The following LYN variants were observed in gnomAD, a reference collection of about 807,000 sequenced individuals.
LYN encodes LYN proto-oncogene, Src family tyrosine kinase, also known as tyrosine-protein kinase Lyn.
LYN carries 12 observed loss-of-function variants against 65.0 expected under a neutral mutation model. That is an observed-to-expected ratio of 0.18 (90% CI 0.12 to 0.30). The LOEUF is 0.30. Ranked by LOEUF, LYN falls within the 10% of genes least tolerant of loss-of-function variation. The pLI, the probability that LYN is intolerant of heterozygous loss-of-function variation, is 1.00. For missense variants in LYN, 380 were observed against 623.2 expected (o/e 0.61, Z 4.16); for synonymous variants, 222 against 221.2 (o/e 1.00, Z -0.03).
chr8:55,944,838 A>G (rs1356898045), intron 2 of LYN, among the ~76,000 whole-genome samples: 2 of 152,216 alleles, frequency 1.3e-5, no homozygotes. Context: ...AGTCAAGGAG[A>G]ATAGTGTGCA....
chr8:55,923,626 G>A (rs1015162338), intron 1 of LYN, among the ~76,000 whole-genome samples: 4 of 151,820 alleles, frequency 2.6e-5, no homozygotes, highest in African/African-American at 9.7e-5. Flanking sequence ...TGCAACCTCC[G>A]CCTCCTGGGT....
chr8:55,976,977 G>A (rs141193094), intron 10 of LYN, among the ~76,000 whole-genome samples: 2,622 of 152,220 alleles, frequency 0.017, 73 homozygotes, highest in African/African-American at 0.059. Context: ...CTGAGGTCAG[G>A]AGTTTGAGAC....
At chr8:55,889,334 C>T (rs1188380335) in intron 1 of LYN, among the ~76,000 whole-genome samples, 1 of 152,202 alleles carries the variant, frequency 6.6e-6, no homozygotes, top group Non-Finnish European at 1.5e-5. Context: ...ACTTCAGCCT[C>T]CAAGTAGCTG....
chr8:55,902,603 CAA>C (rs35994270), intron 1 of LYN: 16 of 303,332 alleles, frequency 5.3e-5, no homozygotes, highest in South Asian at 1.1e-4. Flanking sequence ...ATATAGCATA[CAA>C]AAAAAAAACA....
rs1054698133 is a variant in LYN, at chr8:56,012,728, C to A, written c.*2618C>A. The A allele has an allele frequency of 7.2e-5, 11 of 151,806 alleles. No homozygotes were observed. Among genetic ancestry groups the A allele is most frequent in the South Asian group, 2.1e-4 (1 of 4,794 alleles). The allele number at this position is 151,806 out of a possible 1,614,324, so 9.4% of individuals were successfully genotyped here. ...TGAGACCCTGTCTCAAAAAAAAAAA[C>A]CAAAAAAACAAAAAAACCCTTCCCT... On this transcript the variant is annotated 3_prime_UTR_variant, in exon 13 of 13. Coordinates refer to ENST00000519728, the MANE Select transcript of LYN (RefSeq NM_002350.4).
chr8:55,992,686 T>G (rs1808281791), intron 10 of LYN, among the ~76,000 whole-genome samples: 1 of 152,200 alleles, frequency 6.6e-6, no homozygotes, highest in Non-Finnish European at 1.5e-5. Flanking sequence ...CTTTCAAGCC[T>G]ATGATCTAGT....
chr8:55,961,209 C>A (rs952791277), intron 8 of LYN, among the ~76,000 whole-genome samples: 16 of 152,148 alleles, frequency 1.1e-4, no homozygotes, highest in African/African-American at 3.9e-4. Context: ...CCAGTCACAG[C>A]CGGAATTAGA....
intron 1 of LYN, among the ~76,000 whole-genome samples, chr8:55,918,868 C>T (rs1341421660): frequency 6.6e-6 from 1 of 151,944 alleles, no homozygotes; most frequent in Admixed American, 6.6e-5. Flanking sequence ...GATTTCTCCA[C>T]CTTCACGGAG....
chr8:55,991,667 A>G (rs1808253626), intron 10 of LYN, among the ~76,000 whole-genome samples: 1 of 151,954 alleles, frequency 6.6e-6, no homozygotes, highest in East Asian at 1.9e-4. Context: ...TGGGCTCAGC[A>G]TGGTCTTCTT....
intron 1 of LYN, among the ~76,000 whole-genome samples, chr8:55,924,065 C>CTT (rs75288345): frequency 4.1e-4 from 55 of 135,142 alleles, no homozygotes; most frequent in South Asian, 1.8e-3. Context: ...CTTTTTCTTT[C>CTT]TTTTTTTTTT....
At chr8:55,919,911 G>C (rs1805896893) in intron 1 of LYN, among the ~76,000 whole-genome samples, 1 of 150,732 alleles carries the variant, frequency 6.6e-6, no homozygotes, top group Non-Finnish European at 1.5e-5. Flanking sequence ...GGTTGGGCGG[G>C]GGGAGTGGGG....
intron 1 of LYN, among the ~76,000 whole-genome samples, chr8:55,939,482 G>A (rs1806534412): frequency 1.3e-5 from 2 of 152,080 alleles, no homozygotes; most frequent in South Asian, 4.1e-4. Context: ...GAGAGAGAGA[G>A]AGAGAACGCT....
At chr8:55,980,951 GC>G (rs1176898085) in intron 10 of LYN, among the ~76,000 whole-genome samples, 1 of 152,040 alleles carries the variant, frequency 6.6e-6, no homozygotes, top group Non-Finnish European at 1.5e-5. Context: ...CCGCTTGCTA[GC>G]CCCTGGCCAC....
chr8:56,003,888 C>T (rs374667789), intron 12 of LYN, among the ~76,000 whole-genome samples: 31 of 138,920 alleles, frequency 2.2e-4, no homozygotes, highest in African/African-American at 6.8e-4. Context: ...TCTGAAATTT[C>T]TAATTTTTTT....
At chr8:55,946,114 C>G (rs1321583595) in intron 2 of LYN, among the ~76,000 whole-genome samples, 5 of 152,180 alleles carry the variant, frequency 3.3e-5, no homozygotes, top group African/African-American at 1.2e-4. Context: ...AGTTTGGAAG[C>G]ACACTCATTG....
chr8:55,915,263 C>T (rs1460152928), intron 1 of LYN, among the ~76,000 whole-genome samples: 1 of 152,204 alleles, frequency 6.6e-6, no homozygotes, highest in East Asian at 1.9e-4. Flanking sequence ...TGTGAACATA[C>T]ACACCGCAAT....
intron 1 of LYN, among the ~76,000 whole-genome samples, chr8:55,933,078 T>A (rs1251261900): frequency 6.6e-6 from 1 of 152,244 alleles, no homozygotes; most frequent in Non-Finnish European, 1.5e-5. Flanking sequence ...CATACCCATG[T>A]AACAAACCTG....
intron 1 of LYN, among the ~76,000 whole-genome samples, chr8:55,936,827 A>G (rs7829816): frequency 0.26 from 40,115 of 152,082 alleles, 6,728 homozygotes; most frequent in African/African-American, 0.48. Flanking sequence ...GCAACAAAAA[A>G]AGAAAAAGTA....
At chr8:55,896,830 C>T (rs1319203555) in intron 1 of LYN, among the ~76,000 whole-genome samples, 1 of 152,124 alleles carries the variant, frequency 6.6e-6, no homozygotes. Context: ...CCTCTGCCTT[C>T]CGGGTTCAAG....
Sources: allele counts gnomAD v4.1 joint callset (sites outside exome capture counted in the v4.1 genomes callset), GRCh38; gene constraint gnomAD v4.1.1; transcripts MANE v1.5; gene names NCBI Gene and HGNC (gene_info 2026-07-23, HGNC 2026-07-21).